Variants in PRR14L observed in about 807,000 individuals in gnomAD.
The protein encoded by PRR14L is proline rich 14 like.
In PRR14L, 80 loss-of-function variants were observed where a neutral mutation model predicts 155.0. The observed-to-expected ratio is 0.52, with a 90% CI of 0.43 to 0.62. The LOEUF (loss-of-function observed/expected upper bound fraction) is 0.62. PRR14L is among the 20% of genes least tolerant of loss of function. The probability of loss-of-function intolerance (pLI) is 0.00; values close to 1 mark genes in which losing one functional copy is unlikely to be tolerated. For synonymous variants in PRR14L, 883 were observed against 916.0 expected, an observed-to-expected ratio of 0.96 and a Z score of 0.65; for missense variants, 2,469 against 2,548.0, an observed-to-expected ratio of 0.97 and a Z score of 0.67.
chr22:31,738,457 G>C lies in PRR14L; in HGVS notation c.404C>G (p.Pro135Arg), dbSNP rs939741474. The change falls in exon 2 of 9, where the codon CCC becomes CGC. Residue 135 changes from proline to arginine, a missense_variant. Transcript: ENST00000327423. ...PGGQAGIIRE[P>R]SEGAKEDPHQ... ...TGGATCTTCCTTTGCTCCCTCAGAG[G>C]GTTCTCTTATAATTCCTGCCTGGCC... The C allele has an allele frequency of 1.3e-6, 2 of 1,552,216 alleles. No homozygotes were observed. Among genetic ancestry groups the C allele is most frequent in the South Asian group, 2.4e-5 (2 of 84,062 alleles).
chr22:31,697,912 T>C (rs1327776516), intron 7 of PRR14L, among the ~76,000 whole-genome samples: 1 of 152,156 alleles, frequency 6.6e-6, no homozygotes, highest in African/African-American at 2.4e-5. Flanking sequence ...TTACTGGGAC[T>C]ACCAAACACT....
chr22:31,693,038 C>T (rs1165593044), intron 7 of PRR14L, among the ~76,000 whole-genome samples: 2 of 152,164 alleles, frequency 1.3e-5, no homozygotes, highest in South Asian at 4.1e-4. Context: ...CCTACCCTCA[C>T]ACATGGACAG....
At chr22:31,727,226 C>T (rs1030530743) in intron 2 of PRR14L, among the ~76,000 whole-genome samples, 1 of 150,988 alleles carries the variant, frequency 6.6e-6, no homozygotes, top group Non-Finnish European at 1.5e-5. Flanking sequence ...CCTTGATTAG[C>T]CACAATTCTT....
At chr22:31,692,944 T>C (rs890458471) in intron 7 of PRR14L, among the ~76,000 whole-genome samples, 2 of 152,128 alleles carry the variant, frequency 1.3e-5, no homozygotes, top group Non-Finnish European at 1.5e-5. Flanking sequence ...CTGGTCATCT[T>C]TTCTTTTTTT....
chr22:31,718,592 G>A (rs966354416), intron 3 of PRR14L, among the ~76,000 whole-genome samples: 2 of 147,636 alleles, frequency 1.4e-5, no homozygotes, highest in African/African-American at 5.4e-5. Flanking sequence ...TAGAGACGGG[G>A]TTTCACCATG....
chr22:31,713,040 G>GGAT lies in PRR14L; in HGVS notation c.4796_4798dup (p.His1599dup). The GGAT allele has an allele frequency of 6.4e-7, 1 of 1,552,256 alleles. No individual in the cohort carries two copies. Among genetic ancestry groups the GGAT allele is most frequent in the South Asian group, 1.2e-5 (1 of 84,058 alleles). ...CTTCCTAAAATTCAGGCTCCTCAAG[G>GGAT]GATGGCACGGTGTAGACATCTGCTT... On this transcript the variant is annotated inframe_insertion, in exon 4 of 9. Transcript: ENST00000327423.
At chr22:31,739,503 G>A (rs1461300330) in intron 1 of PRR14L, among the ~76,000 whole-genome samples, 3 of 152,128 alleles carry the variant, frequency 2.0e-5, no homozygotes, top group Non-Finnish European at 2.9e-5. Flanking sequence ...AAACCAGCTC[G>A]TTAGCAGAAT....
chr22:31,687,270 A>C (rs1199920922), intron 8 of PRR14L, among the ~76,000 whole-genome samples: 1 of 150,702 alleles, frequency 6.6e-6, no homozygotes, highest in Non-Finnish European at 1.5e-5. Flanking sequence ...TCCTGACCTC[A>C]GGTGATTTGC....
chr22:31,741,913 A>C (rs969834651), intron 1 of PRR14L, among the ~76,000 whole-genome samples: 1 of 152,098 alleles, frequency 6.6e-6, no homozygotes, highest in Non-Finnish European at 1.5e-5. Context: ...TAGATCTAGA[A>C]TCTTCCCCTT....
At chr22:31,706,947 G>T (rs2074595590) in intron 4 of PRR14L, among the ~76,000 whole-genome samples, 1 of 152,052 alleles carries the variant, frequency 6.6e-6, no homozygotes, top group Middle Eastern at 3.2e-3. Flanking sequence ...TATTCAGGAG[G>T]CTGAGGCAGG....
At chr22:31,718,076 C>T (rs1379757897) in intron 3 of PRR14L, among the ~76,000 whole-genome samples, 1 of 151,504 alleles carries the variant, frequency 6.6e-6, no homozygotes, top group Non-Finnish European at 1.5e-5. Flanking sequence ...TACAGGCACC[C>T]GCCACCATGC....
chr22:31,747,757 G>T (rs1373890932), intron 1 of PRR14L, among the ~76,000 whole-genome samples: 2 of 146,330 alleles, frequency 1.4e-5, no homozygotes, highest in East Asian at 4.0e-4. Context: ...GATGGTAAGC[G>T]TTTCTTTAGT....
chr22:31,720,514 C>T lies in PRR14L; in HGVS notation c.548-3223G>A, dbSNP rs131232. 4.9e-3 allele frequency among the ~76,000 whole-genome samples: 745 copies of T among 152,300 alleles called. 5 individuals carry two copies. The highest frequency in any genetic ancestry group is 0.017 in the African/African-American group (707 of 41,566). Reference sequence around the variant, plus strand: ...TTGGGAGGCAGAGGTGGGCACATCACTTGAGATCAGGAGTTCAAGACCAGC... The same window carrying T: ...TTGGGAGGCAGAGGTGGGCACATCATTTGAGATCAGGAGTTCAAGACCAGC... On this transcript the variant is annotated intron_variant, in intron 3 of 8. Transcript: ENST00000327423.
At chr22:31,704,215 T>A (rs1284514687) in intron 5 of PRR14L, among the ~76,000 whole-genome samples, 1 of 152,172 alleles carries the variant, frequency 6.6e-6, no homozygotes, top group African/African-American at 2.4e-5. Flanking sequence ...TGTAAAAAAA[T>A]TACAAGAATG....
chr22:31,687,449 G>A (rs190701450), intron 8 of PRR14L, among the ~76,000 whole-genome samples: 47 of 151,284 alleles, frequency 3.1e-4, no homozygotes. Context: ...CTCCTCCCGG[G>A]TTCAAGCAAT....
At chr22:31,736,373 C>A (rs927287978) in intron 2 of PRR14L, among the ~76,000 whole-genome samples, 1 of 143,168 alleles carries the variant, frequency 7.0e-6, no homozygotes. Flanking sequence ...GCAATAAGAG[C>A]GAAACTCTGT....
Position 31,712,553 on chromosome 22 carries a change from C to A in PRR14L, c.5286G>T (p.Trp1762Cys), listed in dbSNP as rs1203883485. ...ALQCPSQPPKWTFSFFLSHGC... is the reference protein window; with the variant it reads ...ALQCPSQPPKCTFSFFLSHGC... ...CGTGGGACAAGAAGAAAGAAAAGGT[C>A]CACTTGGGAGGTTGAGACGGGCACT... is the stretch of plus-strand genomic sequence containing the variant. Residue 1762 changes from tryptophan (W) to cysteine (C), a missense_variant, in exon 4 of 9, where the codon TGG becomes TGT. Trp to Cys is a radical substitution (Grantham distance 215). Coordinates refer to ENST00000327423, the MANE Select transcript of PRR14L (RefSeq NM_173566.3). The A allele has an allele frequency of 1.9e-6, 3 of 1,551,710 alleles. No individual in the cohort carries two copies. In the Admixed American group the frequency reaches 5.9e-5, roughly 30 times the overall value.
chr22:31,704,347 T>C, intron 5 of PRR14L: 1 of 241,786 alleles, frequency 4.1e-6, no homozygotes. Flanking sequence ...AGATCAATCC[T>C]GTCCAGGGAC....
At chr22:31,692,318 C>G (rs2074515756) in intron 7 of PRR14L, among the ~76,000 whole-genome samples, 1 of 152,004 alleles carries the variant, frequency 6.6e-6, no homozygotes, top group African/African-American at 2.4e-5. Context: ...TTCTCCACAC[C>G]CTTACTACAC....
Sources: gnomAD v4.1 joint callset for allele counts (sites outside exome capture counted in the v4.1 genomes callset) on GRCh38, gnomAD v4.1.1 for gene constraint, MANE v1.5 for transcripts, NCBI Gene and HGNC (gene_info 2026-07-23, HGNC 2026-07-21) for gene names.